The following JAG1 variants were observed in gnomAD, a reference collection of about 807,000 sequenced individuals.
JAG1 encodes the protein protein jagged-1.
JAG1 carries 23 observed loss-of-function variants against 148.7 expected under a neutral mutation model. That is an observed-to-expected ratio of 0.15 (90% CI 0.11 to 0.22). JAG1 has a LOEUF of 0.22. Ranked by LOEUF, JAG1 falls within the 10% of genes least tolerant of loss-of-function variation. JAG1 has a pLI of 1.00. For synonymous variants in JAG1, 572 were observed against 598.3 expected, an observed-to-expected ratio of 0.96 and a Z score of 0.64; for missense variants, 1,054 against 1,611.2, an observed-to-expected ratio of 0.65 and a Z score of 5.92.
chr20:10,671,734 C>T (rs1398455312), intron 2 of JAG1, among the ~76,000 whole-genome samples: 1 of 152,222 alleles, frequency 6.6e-6, no homozygotes, highest in Non-Finnish European at 1.5e-5. Context: ...ATTTCCCTTT[C>T]CTCCCCTTCT....
rs944996400 is a variant in JAG1 at position 10,658,464 on chromosome 20, A to G, written c.694+4T>C. On this transcript the variant is annotated splice_donor_region_variant and intron_variant, in intron 4 of 25. Coordinates refer to ENST00000254958, the MANE Select transcript of JAG1 (RefSeq NM_000214.3). ...CACGTGCACATGCACACACACACAC[A>G]TACCTCTGTTACATTCGGGGCCCAT... The G allele has an allele frequency of 5.0e-6, 8 of 1,613,824 alleles. No individual in the cohort carries two copies. The highest frequency in any genetic ancestry group is 5.1e-6 in the Non-Finnish European group (6 of 1,180,022).
intron 2 of JAG1, among the ~76,000 whole-genome samples, chr20:10,665,306 C>T (rs567675960): frequency 2.3e-4 from 35 of 152,312 alleles, no homozygotes; most frequent in African/African-American, 8.4e-4. Flanking sequence ...TAGACCCTGC[C>T]TTGGAATTCA....
intron 2 of JAG1, among the ~76,000 whole-genome samples, chr20:10,664,503 G>A (rs1365396428): frequency 6.6e-6 from 1 of 152,100 alleles, no homozygotes; most frequent in Non-Finnish European, 1.5e-5. Flanking sequence ...GCAGTCTCTA[G>A]GGAGGCCCCC....
Position 10,649,529 on chromosome 20 carries a change from A to G in JAG1, c.1341T>C (p.Cys447=). 6.3e-7 allele frequency: 1 copy of G among 1,599,458 alleles called. No homozygotes were observed. Among genetic ancestry groups the G allele is most frequent in the Non-Finnish European group, 8.6e-7 (1 of 1,166,560 alleles). The part of the protein sequence containing the change: ...DCLPGWMGQN[C]DININDCLGQ... ...GGAAACAAAGTCACTCACTTATGTC[A>G]CAATTCTGACCCATCCAGCCGGGAA... The change falls in exon 10 of 26, where the codon TGT becomes TGC. Residue 447 remains cysteine, a synonymous_variant. Coordinates refer to ENST00000254958, the MANE Select transcript of JAG1 (RefSeq NM_000214.3).
At chr20:10,671,254 A>G (rs1021749809) in intron 2 of JAG1, among the ~76,000 whole-genome samples, 2 of 152,214 alleles carry the variant, frequency 1.3e-5, no homozygotes, top group African/African-American at 2.4e-5. Flanking sequence ...AGTTCTCCCT[A>G]ATAGGGGATT....
chr20:10,670,967 G>C (rs1351262613), intron 2 of JAG1, among the ~76,000 whole-genome samples: 1 of 152,238 alleles, frequency 6.6e-6, no homozygotes, highest in African/African-American at 2.4e-5. Flanking sequence ...CTTGGCCAGC[G>C]AGGGAGCAAG....
In JAG1 at chr20:10,644,264, C is replaced by T. The variant is rs370218527; in HGVS notation, c.2372+93G>A. The T allele has an allele frequency of 4.6e-5, 47 of 1,024,254 alleles. 2 individuals are homozygous for T. The African/African-American group carries it at 6.6e-4, about 14-fold the overall frequency. 63.4% of individuals were successfully genotyped at this position (1,024,254 alleles called of 1,614,324 possible). A position where few individuals can be genotyped will look rare whatever the true frequency, so the allele number is the denominator to read the frequency against. On this transcript the variant is annotated intron_variant, in intron 19 of 25. Transcript: ENST00000254958. The stretch of plus-strand genomic sequence containing the variant: ...CAGAACTTGCATTTTAAACACAATC[C>T]CTGGGTGATTCTCACACACACACAC...
chr20:10,639,391 C>T lies in JAG1; in HGVS notation c.*107G>A. The T allele has an allele frequency of 1.5e-5, 16 of 1,045,956 alleles. No homozygotes were observed. Among genetic ancestry groups the T allele is most frequent in the Non-Finnish European group, 2.4e-5 (16 of 663,006 alleles). 64.8% of individuals were successfully genotyped at this position (1,045,956 alleles called of 1,614,324 possible). A position where few individuals can be genotyped will look rare whatever the true frequency, so the allele number is the denominator to read the frequency against. ...GCCAGCTTGTCAAAACTTAAATTAA[C>T]ACAGGGATTCTAAGTCAGCAACGGC... On this transcript the variant is annotated 3_prime_UTR_variant, in exon 26 of 26. Coordinates refer to ENST00000254958, the MANE Select transcript of JAG1 (RefSeq NM_000214.3).
chr20:10,664,285 C>G (rs950826417), intron 2 of JAG1, among the ~76,000 whole-genome samples: 30 of 151,838 alleles, frequency 2.0e-4, no homozygotes, highest in Admixed American at 1.5e-3. Context: ...AAGTTGAGAT[C>G]AGGAAATGCC....
In JAG1 at chr20:10,648,137, G is replaced by C. The variant is rs762271093; in HGVS notation, c.1570-27C>G. ...TGCAAATATCAGGAACAGCGAAAAG[G>C]GGGAGGGATCAGAGTAAAACAAAGG... On this transcript the variant is annotated intron_variant, in intron 12 of 25. Coordinates refer to ENST00000254958, the MANE Select transcript of JAG1 (RefSeq NM_000214.3). The C allele has an allele frequency of 1.6e-5, 26 of 1,613,958 alleles. No homozygotes were observed. In the Middle Eastern group the frequency reaches 3.1e-3, roughly 194 times the overall value.
At chr20:10,664,887 C>G (rs1037739932) in intron 2 of JAG1, among the ~76,000 whole-genome samples, 2 of 152,168 alleles carry the variant, frequency 1.3e-5, no homozygotes, top group African/African-American at 4.8e-5. Flanking sequence ...CACCCCCAGC[C>G]AAACCTAAGC....
At chr20:10,667,424 G>A (rs1489944290) in intron 2 of JAG1, among the ~76,000 whole-genome samples, 2 of 152,042 alleles carry the variant, frequency 1.3e-5, no homozygotes, top group Admixed American at 6.5e-5. Context: ...CAGTCAATTC[G>A]GCCAACTCTA....
rs2067515353 is a variant in JAG1 at position 10,673,710 on chromosome 20, C to G, written c.-180G>C. 3.8e-6 allele frequency: 1 copy of G among 262,312 alleles called. No individual in the cohort carries two copies. Among genetic ancestry groups the G allele is most frequent in the Non-Finnish European group, 7.1e-6 (1 of 141,480 alleles). The allele number at this position is 262,312 out of a possible 1,614,324, so 16.2% of individuals were successfully genotyped here. On this transcript the variant is annotated 5_prime_UTR_variant, in exon 1 of 26. Coordinates refer to ENST00000254958, the MANE Select transcript of JAG1 (RefSeq NM_000214.3). This position sits in a 1 kb window ranked among gnomAD's most constrained non-coding sequence, Gnocchi z 4.7. ...CACTTTTCAAAAGCCCTTTCAAGAGCGGCCCGTTCCAGAAGGCAAAGAGCC... is the reference window on the plus strand; with the variant it reads ...CACTTTTCAAAAGCCCTTTCAAGAGGGGCCCGTTCCAGAAGGCAAAGAGCC...
At chr20:10,649,026 TG>T in intron 11 of JAG1, 34 bp downstream of exon 11, 1 of 1,541,240 alleles carries the variant, frequency 6.5e-7, no homozygotes, top group Non-Finnish European at 9.0e-7. Flanking sequence ...TGTTGTCAAT[TG>T]TCAAAGTTTT....
Position 10,639,436 on chromosome 20 carries a change from C to T in JAG1, c.*62G>A, listed in dbSNP as rs1351698592. ...AACGGCCTCAGACTCGAGTATGACACGACAGTTTAAAGAACTACAAGCCCT... is the reference window on the plus strand; with the variant it reads ...AACGGCCTCAGACTCGAGTATGACATGACAGTTTAAAGAACTACAAGCCCT... On this transcript the variant is annotated 3_prime_UTR_variant, in exon 26 of 26. Coordinates refer to ENST00000254958, the MANE Select transcript of JAG1 (RefSeq NM_000214.3). The T allele has an allele frequency of 7.7e-6, 11 of 1,425,242 alleles. No individual in the cohort carries two copies. The highest frequency in any genetic ancestry group is 1.7e-5 in the Admixed American group (1 of 59,788). 88.3% of individuals were successfully genotyped at this position (1,425,242 alleles called of 1,614,324 possible).
chr20:10,645,555 C>A lies in JAG1; in HGVS notation c.2000-86G>T. On this transcript the variant is annotated intron_variant, in intron 15 of 25. Coordinates refer to ENST00000254958, the MANE Select transcript of JAG1 (RefSeq NM_000214.3). This position sits in a 1 kb window ranked among gnomAD's most constrained non-coding sequence, Gnocchi z 6.1. Reference sequence around the variant, plus strand: ...AGAGCCAAGCCTTTCCTACTGCTTACATCCAACATCCTATTCTGAGAACAG... The same window carrying A: ...AGAGCCAAGCCTTTCCTACTGCTTAAATCCAACATCCTATTCTGAGAACAG... 1 of 988,640 alleles carries A rather than the reference C, an allele frequency of 1.0e-6. No individual in the cohort carries two copies. Among genetic ancestry groups the A allele is most frequent in the Middle Eastern group, 2.1e-4 (1 of 4,726 alleles). 61.2% of individuals were successfully genotyped at this position (988,640 alleles called of 1,614,324 possible).
chr20:10,639,367 C>A lies in JAG1; in HGVS notation c.*131G>T. The A allele has an allele frequency of 1.1e-6, 1 of 884,394 alleles. No homozygotes were observed. The highest frequency in any genetic ancestry group is 1.3e-5 in the South Asian group (1 of 75,532). 54.8% of individuals were successfully genotyped at this position (884,394 alleles called of 1,614,324 possible). A position where few individuals can be genotyped will look rare whatever the true frequency, so the allele number is the denominator to read the frequency against. ...CAGAAACTACCATTGCCAGTGTAAG[C>A]CAGCTTGTCAAAACTTAAATTAACA... On this transcript the variant is annotated 3_prime_UTR_variant, in exon 26 of 26. Transcript: ENST00000254958.
intron 2 of JAG1, among the ~76,000 whole-genome samples, chr20:10,670,525 A>C (rs769974793): frequency 5.9e-5 from 9 of 152,172 alleles, no homozygotes; most frequent in Non-Finnish European, 1.3e-4. Context: ...TCAGCTACTT[A>C]AGTGTTTCAG....
Position 10,645,100 on chromosome 20 carries a change from G to A in JAG1, c.2227+43C>T. 1 of 1,543,574 alleles carries A rather than the reference G, an allele frequency of 6.5e-7. No individual in the cohort carries two copies. The highest frequency in any genetic ancestry group is 9.0e-7 in the Non-Finnish European group (1 of 1,115,722). The stretch of plus-strand genomic sequence containing the variant: ...GGGGCCAACCAGCAGACACGCCCAG[G>A]TGGCCATGCCCACTGCAGATCCCAC... On this transcript the variant is annotated intron_variant, in intron 17 of 25. Coordinates refer to ENST00000254958, the MANE Select transcript of JAG1 (RefSeq NM_000214.3). The surrounding 1 kb of genome is among the most constrained non-coding windows in gnomAD (Gnocchi z 6.1).
Sources: allele counts gnomAD v4.1 joint callset (sites outside exome capture counted in the v4.1 genomes callset), GRCh38; gene constraint gnomAD v4.1.1; non-coding constraint Gnocchi (gnomAD v3.1); transcripts MANE v1.5; gene names NCBI Gene and HGNC (gene_info 2026-07-23, HGNC 2026-07-21).